Variants in CSMD1 observed in about 807,000 individuals in gnomAD.
The protein encoded by CSMD1 is CUB and Sushi multiple domains 1.
A neutral mutation model predicts 417.5 loss-of-function variants in CSMD1; 213 were observed. The ratio of observed to expected loss-of-function variants is 0.51; its 90% CI spans 0.46 to 0.57. CSMD1 has a LOEUF of 0.57. Ranked by LOEUF, CSMD1 falls within the 20% of genes least tolerant of loss-of-function variation. The pLI, the probability that CSMD1 is intolerant of heterozygous loss-of-function variation, is 0.00. For synonymous variants in CSMD1, 2,862 were observed against 1,736.8 expected (o/e 1.65, Z -16.11); for missense variants, 6,923 against 4,529.7 (o/e 1.53, Z -15.17).
chr8:3,120,161 G>C (rs1482263043), intron 41 of CSMD1, among the ~76,000 whole-genome samples: 1 of 152,130 alleles, frequency 6.6e-6, no homozygotes, highest in Non-Finnish European at 1.5e-5. Context: ...CTGAGAAAAA[G>C]AGAGGTGGGC....
intron 10 of CSMD1, among the ~76,000 whole-genome samples, chr8:3,566,821 C>G (rs1300624812): frequency 1.3e-5 from 2 of 152,176 alleles, no homozygotes; most frequent in Non-Finnish European, 2.9e-5. Flanking sequence ...CACTTATACA[C>G]TGTTGGTGAG....
intron 1 of CSMD1, among the ~76,000 whole-genome samples, chr8:4,987,663 G>A (rs1221400214): frequency 6.6e-6 from 1 of 152,092 alleles, no homozygotes; most frequent in South Asian, 2.1e-4. Flanking sequence ...TGAAAATTAC[G>A]GTTCCTGGGT....
intron 2 of CSMD1, among the ~76,000 whole-genome samples, chr8:4,609,405 A>C (rs1801050876): frequency 6.6e-6 from 1 of 152,174 alleles, no homozygotes; most frequent in Non-Finnish European, 1.5e-5. Flanking sequence ...TGTCTCAGAA[A>C]AACAAAAGAG....
intron 5 of CSMD1, among the ~76,000 whole-genome samples, chr8:3,832,656 C>G (rs1057103070): frequency 1.3e-5 from 2 of 152,146 alleles, no homozygotes; most frequent in African/African-American, 2.4e-5. Context: ...TACAACGAAA[C>G]TGAGATTCAA....
intron 5 of CSMD1, among the ~76,000 whole-genome samples, chr8:3,879,381 T>C (rs536441318): frequency 1.2e-4 from 19 of 152,266 alleles, no homozygotes; most frequent in African/African-American, 3.8e-4. Flanking sequence ...AGACATAAAG[T>C]ATTCATACAC....
At chr8:3,984,910 G>A (rs866948269) in intron 5 of CSMD1, among the ~76,000 whole-genome samples, 1 of 151,788 alleles carries the variant, frequency 6.6e-6, no homozygotes, top group African/African-American at 2.4e-5. Flanking sequence ...TTTATTTCAA[G>A]CTTCATTGTA....
chr8:4,577,415 C>A (rs373740524), intron 2 of CSMD1, among the ~76,000 whole-genome samples: 1 of 152,158 alleles, frequency 6.6e-6, no homozygotes, highest in Non-Finnish European at 1.5e-5. Context: ...GGGAAATGTT[C>A]TTGGACACTC....
At chr8:4,142,816 A>G (rs2131022348) in intron 3 of CSMD1, among the ~76,000 whole-genome samples, 1 of 151,286 alleles carries the variant, frequency 6.6e-6, no homozygotes, top group Non-Finnish European at 1.5e-5. Flanking sequence ...TTAAAAGCCT[A>G]ACAGAGGAAA....
intron 5 of CSMD1, among the ~76,000 whole-genome samples, chr8:3,884,176 C>G (rs1806396548): frequency 6.6e-6 from 1 of 152,110 alleles, no homozygotes; most frequent in Non-Finnish European, 1.5e-5. Context: ...ACTCAGGTGG[C>G]TTTAAATTCA....
intron 1 of CSMD1, among the ~76,000 whole-genome samples, chr8:4,922,384 T>G (rs1161267322): frequency 6.6e-6 from 1 of 152,216 alleles, no homozygotes; most frequent in Non-Finnish European, 1.5e-5. Context: ...CACAATATTT[T>G]ACAAAATCCT....
chr8:3,783,815 G>A (rs1389416850), intron 5 of CSMD1, among the ~76,000 whole-genome samples: 1 of 152,182 alleles, frequency 6.6e-6, no homozygotes, highest in African/African-American at 2.4e-5. Context: ...TTGTAGGACA[G>A]CATTTTCCCA....
intron 3 of CSMD1, among the ~76,000 whole-genome samples, chr8:4,186,724 C>A (rs6986281): frequency 0.83 from 126,520 of 151,682 alleles, 52,970 homozygotes; most frequent in South Asian, 0.94. Context: ...CGGTCGCTCA[C>A]ACCTGTAATC....
At chr8:3,276,877 C>G (rs1282275169) in intron 26 of CSMD1, among the ~76,000 whole-genome samples, 1 of 152,100 alleles carries the variant, frequency 6.6e-6, no homozygotes, top group South Asian at 2.1e-4. Context: ...TCTAGGAAAA[C>G]AAAGACCATC....
chr8:3,179,742 T>C (rs925911108), intron 37 of CSMD1, among the ~76,000 whole-genome samples: 4 of 152,218 alleles, frequency 2.6e-5, no homozygotes, highest in Non-Finnish European at 5.9e-5. Context: ...ACAAGGCTTA[T>C]GTTTTTCTAT....
chr8:3,669,613 A>G (rs556466822), intron 7 of CSMD1, among the ~76,000 whole-genome samples: 33 of 152,308 alleles, frequency 2.2e-4, no homozygotes, highest in African/African-American at 7.5e-4. Flanking sequence ...GACAGGGAAG[A>G]CAAGCTGGGT....
intron 2 of CSMD1, among the ~76,000 whole-genome samples, chr8:4,614,839 AAATG>A (rs1328865288): frequency 1.3e-5 from 2 of 152,342 alleles, no homozygotes; most frequent in African/African-American, 4.8e-5. Context: ...ATTTTTTTAA[AAATG>A]AATAATATGA....
At chr8:4,709,005 C>A (rs189472696) in intron 1 of CSMD1, among the ~76,000 whole-genome samples, 1 of 152,254 alleles carries the variant, frequency 6.6e-6, no homozygotes, top group East Asian at 1.9e-4. Flanking sequence ...CCTCCTGAAC[C>A]TTGACAAAAT....
At chr8:4,164,903 G>GTA (rs1563209980) in intron 3 of CSMD1, among the ~76,000 whole-genome samples, 3 of 150,446 alleles carry the variant, frequency 2.0e-5, no homozygotes, top group African/African-American at 7.4e-5. Context: ...ATATATATAT[G>GTA]TATATATATA....
At chr8:4,969,475 TTCTCTC>T (rs965696426) in intron 1 of CSMD1, among the ~76,000 whole-genome samples, 2 of 151,080 alleles carry the variant, frequency 1.3e-5, no homozygotes, top group Admixed American at 6.7e-5. Context: ...TATTCATTCA[TTCTCTC>T]TCTCTCTTTC....
Sources: allele counts gnomAD v4.1 joint callset (sites outside exome capture counted in the v4.1 genomes callset), GRCh38; gene constraint gnomAD v4.1.1; transcripts MANE v1.5; gene names NCBI Gene and HGNC (gene_info 2026-07-23, HGNC 2026-07-21).